Variants in OR2V2 observed in about 807,000 individuals in gnomAD.
The protein encoded by OR2V2 is olfactory receptor family 2 subfamily V member 2.
For synonymous variants in OR2V2, 161 were observed against 151.3 expected, an observed-to-expected ratio of 1.06 and a Z score of -0.47; for missense variants, 392 against 392.2, an observed-to-expected ratio of 1.00 and a Z score of 0.00.
Position 181,158,477 on chromosome 5 carries a change from C to G in OR2V2, c.*2587C>G, listed in dbSNP as rs1763295324. ...TGAAACCCCATCTCTACAAAAAGTA[C>G]AAAAATCAGCCGGGCGTGGTTACTT... On this transcript the variant is annotated 3_prime_UTR_variant, in exon 2 of 2. Transcript: ENST00000641492. The G allele has an allele frequency of 6.6e-6, 1 of 151,776 alleles. No individual in the cohort carries two copies. The highest frequency in any genetic ancestry group is 1.5e-5 in the Non-Finnish European group (1 of 67,982). The allele number at this position is 151,776 out of a possible 1,614,324, so 9.4% of individuals were successfully genotyped here. A position where few individuals can be genotyped will look rare whatever the true frequency, so the allele number is the denominator to read the frequency against.
chr5:181,154,134 A>G (rs1189853745), intron 1 of OR2V2, among the ~76,000 whole-genome samples: 1 of 152,202 alleles, frequency 6.6e-6, no homozygotes, highest in Non-Finnish European at 1.5e-5. Flanking sequence ...ATAGAGTGGT[A>G]AGCATGAGAA....
chr5:181,150,522 G>A (rs1763179072), intron 1 of OR2V2, among the ~76,000 whole-genome samples: 1 of 152,172 alleles, frequency 6.6e-6, no homozygotes, highest in Admixed American at 6.5e-5. Flanking sequence ...TCTGCTTTCG[G>A]AACATGGAAA....
chr5:181,155,584 C>A lies in OR2V2; in HGVS notation c.642C>A (p.Ile214=). 1 of 1,614,230 alleles carries A rather than the reference C, an allele frequency of 6.2e-7. No homozygotes were observed. Among genetic ancestry groups the A allele is most frequent in the East Asian group, 2.2e-5 (1 of 44,880 alleles). Residue 214 remains isoleucine, a synonymous_variant, in exon 2 of 2, where the codon ATC becomes ATA. Coordinates refer to ENST00000641492, the MANE Select transcript of OR2V2 (RefSeq NM_206880.2). ...CVFMLLFPFS[I]IVASYAHILG... ...TCATGCTTCTCTTCCCATTCTCCAT[C>A]ATCGTGGCCTCCTATGCTCACATTC... is the stretch of plus-strand genomic sequence containing the variant.
rs111721524 is a variant in OR2V2 at position 181,154,317 on chromosome 5, C to T, written c.-24-602C>T. On this transcript the variant is annotated intron_variant, in intron 1 of 1. Coordinates refer to ENST00000641492, the MANE Select transcript of OR2V2 (RefSeq NM_206880.2). ...TAAAAGATTCGGTATCGGCCGGGCG[C>T]GGTGGCTCACACCTGTAATCCCAGC... 9.9e-3 allele frequency among the ~76,000 whole-genome samples: 1,504 copies of T among 152,150 alleles called. 10 individuals carry two copies. Among genetic ancestry groups the T allele is most frequent in the Middle Eastern group, 0.031 (9 of 294 alleles).
rs1220847632 is a variant in OR2V2, at chr5:181,158,065, G to A, written c.*2175G>A. 4.6e-5 allele frequency: 7 copies of A among 152,170 alleles called. No homozygotes were observed. The highest frequency in any genetic ancestry group is 1.0e-4 in the Non-Finnish European group (7 of 68,048). The allele number at this position is 152,170 out of a possible 1,614,324, so 9.4% of individuals were successfully genotyped here. Reference sequence around the variant, plus strand: ...AATTGCATTTCATTGGCATAGGCTTGATGTCCTTAATTCATTTCCCGCACA... The same window carrying A: ...AATTGCATTTCATTGGCATAGGCTTAATGTCCTTAATTCATTTCCCGCACA... On this transcript the variant is annotated 3_prime_UTR_variant, in exon 2 of 2. Coordinates refer to ENST00000641492, the MANE Select transcript of OR2V2 (RefSeq NM_206880.2).
intron 1 of OR2V2, among the ~76,000 whole-genome samples, chr5:181,149,774 T>G (rs1763170154): frequency 6.6e-6 from 1 of 152,232 alleles, no homozygotes; most frequent in South Asian, 2.1e-4. Flanking sequence ...TTCTGTCTAT[T>G]TTCAGTTTTT....
At position 181,156,182 on chromosome 5, in the gene OR2V2, T is replaced by G; in HGVS notation, c.*292T>G. Reference sequence around the variant, plus strand: ...AGTGCAGTGACACAATCTCGGCTTATAGCAGCCTTGATCTCCTGGGCTCAG... The same window carrying G: ...AGTGCAGTGACACAATCTCGGCTTAGAGCAGCCTTGATCTCCTGGGCTCAG... On this transcript the variant is annotated 3_prime_UTR_variant, in exon 2 of 2. Coordinates refer to ENST00000641492, the MANE Select transcript of OR2V2 (RefSeq NM_206880.2). 2 of 318,858 alleles carry G rather than the reference T, an allele frequency of 6.3e-6. No individual in the cohort carries two copies. Among genetic ancestry groups the G allele is most frequent in the Non-Finnish European group, 1.1e-5 (2 of 175,766 alleles). 19.8% of individuals were successfully genotyped at this position (318,858 alleles called of 1,614,324 possible). A position where few individuals can be genotyped will look rare whatever the true frequency, so the allele number is the denominator to read the frequency against.
chr5:181,155,719 C>G lies in OR2V2; in HGVS notation c.777C>G (p.Ile259Met), dbSNP rs542253999. ...VTLFYGAAMF[I>M]YLRPRHYRAP... ...TCTTCTATGGGGCAGCCATGTTCAT[C>G]TACCTGAGGCCTAGGCACTACCGGG... Residue 259 changes from isoleucine to methionine, a missense_variant, in exon 2 of 2, where the codon ATC becomes ATG. Coordinates refer to ENST00000641492, the MANE Select transcript of OR2V2 (RefSeq NM_206880.2). 1.9e-6 allele frequency: 3 copies of G among 1,614,106 alleles called. No individual in the cohort carries two copies. The highest frequency in any genetic ancestry group is 1.1e-5 in the South Asian group (1 of 91,086).
At position 181,150,955 on chromosome 5, in the gene OR2V2, G is replaced by A. The variant is rs538055508; in HGVS notation, c.-25+2960G>A. Among the ~76,000 whole-genome samples the A allele has an allele frequency of 2.1e-3, 314 of 152,280 alleles. 1 individual carries two copies. Among genetic ancestry groups the A allele is most frequent in the Non-Finnish European group, 3.6e-3 (243 of 68,018 alleles). ...GACTGCACCACCGCACCCCACCCTGGACCACCCTGTCTCGACAACAGGAAA... is the reference window on the plus strand; with the variant it reads ...GACTGCACCACCGCACCCCACCCTGAACCACCCTGTCTCGACAACAGGAAA... On this transcript the variant is annotated intron_variant, in intron 1 of 1. Transcript: ENST00000641492.
chr5:181,155,994 T>C lies in OR2V2; in HGVS notation c.*104T>C, dbSNP rs1042771763. 6 of 1,013,166 alleles carry C rather than the reference T, an allele frequency of 5.9e-6. No homozygotes were observed. Among genetic ancestry groups the C allele is most frequent in the Non-Finnish European group, 8.6e-6 (6 of 698,556 alleles). The allele number at this position is 1,013,166 out of a possible 1,614,324, so 62.8% of individuals were successfully genotyped here. A position where few individuals can be genotyped will look rare whatever the true frequency, so the allele number is the denominator to read the frequency against. On this transcript the variant is annotated 3_prime_UTR_variant, in exon 2 of 2. Transcript: ENST00000641492. ...TTGGTTTCCTCGTGAATTATGATGA[T>C]TGTGACACCCTCAGACTTGGAAGGT... is the stretch of plus-strand genomic sequence containing the variant.
intron 1 of OR2V2, among the ~76,000 whole-genome samples, chr5:181,152,751 G>T (rs1487716787): frequency 6.6e-6 from 1 of 152,198 alleles, no homozygotes; most frequent in East Asian, 1.9e-4. Context: ...CTCTCTGGAG[G>T]ATCACTTGCC....
chr5:181,154,908 C>T lies in OR2V2; in HGVS notation c.-24-11C>T. 7.1e-7 allele frequency: 1 copy of T among 1,404,828 alleles called. No individual in the cohort carries two copies. Among genetic ancestry groups the T allele is most frequent in the Non-Finnish European group, 1.0e-6 (1 of 990,920 alleles). The allele number at this position is 1,404,828 out of a possible 1,614,324, so 87.0% of individuals were successfully genotyped here. On this transcript the variant is annotated splice_polypyrimidine_tract_variant and intron_variant, in intron 1 of 1. Coordinates refer to ENST00000641492, the MANE Select transcript of OR2V2 (RefSeq NM_206880.2). Reference sequence around the variant, plus strand: ...GTCAGTCAATGTAACACATCTTGTCCATATTCTCAGGTGACCAGGAGCAAC... The same window carrying T: ...GTCAGTCAATGTAACACATCTTGTCTATATTCTCAGGTGACCAGGAGCAAC...
chr5:181,155,062 C>T lies in OR2V2; in HGVS notation c.120C>T (p.Leu40=). ...SVVMAVFTVA[L]CGNVLLIFLI... ...TTATGGCGGTCTTCACAGTGGCCCTCTGTGGGAATGTCCTCCTCATCTTCC... is the reference window on the plus strand; with the variant it reads ...TTATGGCGGTCTTCACAGTGGCCCTTTGTGGGAATGTCCTCCTCATCTTCC... Residue 40 remains leucine (L), a synonymous_variant, in exon 2 of 2, where the codon CTC becomes CTT. Coordinates refer to ENST00000641492, the MANE Select transcript of OR2V2 (RefSeq NM_206880.2). The T allele has an allele frequency of 6.2e-7, 1 of 1,614,184 alleles. No individual in the cohort carries two copies. Among genetic ancestry groups the T allele is most frequent in the Non-Finnish European group, 8.5e-7 (1 of 1,180,032 alleles).
In OR2V2 at chr5:181,155,477, T is replaced by A; in HGVS notation, c.535T>A (p.Phe179Ile). ...TGGCTTGAGGAAGGTGAACCATTTC[T>A]TCTGTGAGATGCTATCCTTGTTGAA... ...YCGLRKVNHFFCEMLSLLKLA... is the reference protein window; with the variant it reads ...YCGLRKVNHFICEMLSLLKLA... The change falls in exon 2 of 2, where the codon TTC becomes ATC. Residue 179 changes from phenylalanine (F) to isoleucine (I), a missense_variant. Phe to Ile is a conservative substitution (Grantham distance 21). Coordinates refer to ENST00000641492, the MANE Select transcript of OR2V2 (RefSeq NM_206880.2). 6.2e-7 allele frequency: 1 copy of A among 1,614,226 alleles called. No homozygotes were observed. Among genetic ancestry groups the A allele is most frequent in the Middle Eastern group, 1.6e-4 (1 of 6,062 alleles).
chr5:181,154,900 A>G lies in OR2V2; in HGVS notation c.-24-19A>G. ...AAAGAGATGTCAGTCAATGTAACAC[A>G]TCTTGTCCATATTCTCAGGTGACCA... On this transcript the variant is annotated intron_variant, in intron 1 of 1. Transcript: ENST00000641492. 7.5e-7 allele frequency: 1 copy of G among 1,329,582 alleles called. No individual in the cohort carries two copies. The highest frequency in any genetic ancestry group is 1.7e-5 in the Admixed American group (1 of 59,404). The allele number at this position is 1,329,582 out of a possible 1,614,324, so 82.4% of individuals were successfully genotyped here.
Position 181,155,565 on chromosome 5 carries a change from T to G in OR2V2, c.623T>G (p.Leu208Arg), listed in dbSNP as rs1250801090. 5 of 1,614,118 alleles carry G rather than the reference T, an allele frequency of 3.1e-6. No individual in the cohort carries two copies. The highest frequency in any genetic ancestry group is 4.2e-6 in the Non-Finnish European group (5 of 1,180,048). ...KVIFACCVFMLLFPFSIIVAS... is the reference protein window; with the variant it reads ...KVIFACCVFMRLFPFSIIVAS... ...ATATTTGCTTGCTGTGTCTTCATGC[T>G]TCTCTTCCCATTCTCCATCATCGTG... Residue 208 changes from leucine (L) to arginine (R), a missense_variant, in exon 2 of 2, where the codon CTT becomes CGT. Physicochemically the swap from Leu to Arg is moderately radical, Grantham distance 102. Transcript: ENST00000641492.
intron 1 of OR2V2, among the ~76,000 whole-genome samples, chr5:181,152,468 T>G (rs963236531): frequency 6.6e-6 from 1 of 152,148 alleles, no homozygotes; most frequent in African/African-American, 2.4e-5. Context: ...AGAGTGGCAT[T>G]GGTGTCCTGT....
At chr5:181,154,595 A>G (rs1336853109) in intron 1 of OR2V2, among the ~76,000 whole-genome samples, 1 of 151,798 alleles carries the variant, frequency 6.6e-6, no homozygotes, top group Non-Finnish European at 1.5e-5. Context: ...ATCTCAAAAA[A>G]AAAAAAAAAA....
At chr5:181,150,122 C>G (rs1246447863) in intron 1 of OR2V2, among the ~76,000 whole-genome samples, 1 of 152,202 alleles carries the variant, frequency 6.6e-6, no homozygotes, top group Admixed American at 6.5e-5. Context: ...AGAAAACCCC[C>G]ACCACATCAT....
Sources: allele counts gnomAD v4.1 joint callset (sites outside exome capture counted in the v4.1 genomes callset), GRCh38; gene constraint gnomAD v4.1.1; transcripts MANE v1.5; gene names NCBI Gene and HGNC (gene_info 2026-07-23, HGNC 2026-07-21).